The following ZNF385D variants were observed in gnomAD, a reference collection of about 807,000 sequenced individuals.
The protein encoded by ZNF385D is zinc finger protein 659.
ZNF385D carries 15 observed loss-of-function variants against 35.8 expected under a neutral mutation model. That is an observed-to-expected ratio of 0.42 (90% CI 0.28 to 0.64). The LOEUF is 0.64. Among genes scored for constraint, ZNF385D ranks in the 30% least tolerant of loss-of-function variants. The pLI, the probability that ZNF385D is intolerant of heterozygous loss-of-function variation, is 0.23. For synonymous variants in ZNF385D, 212 were observed against 186.8 expected (o/e 1.13, Z -1.10); for missense variants, 474 against 494.6 (o/e 0.96, Z 0.39).
chr3:21,518,997 G>C (rs1313102838), intron 3 of ZNF385D, among the ~76,000 whole-genome samples: 1 of 152,042 alleles, frequency 6.6e-6, no homozygotes, highest in Non-Finnish European at 1.5e-5. Flanking sequence ...TTTTCCCGAA[G>C]TGAAAAACAT....
At chr3:21,560,361 G>A (rs1271112230) in intron 3 of ZNF385D, among the ~76,000 whole-genome samples, 1 of 152,096 alleles carries the variant, frequency 6.6e-6, no homozygotes, top group African/African-American at 2.4e-5. Flanking sequence ...CTTCCTTTTT[G>A]TTGATGTTGA....
At chr3:22,178,984 G>C (rs1299998053) in intron 2 of ZNF385D, among the ~76,000 whole-genome samples, 1 of 152,020 alleles carries the variant, frequency 6.6e-6, no homozygotes, top group Non-Finnish European at 1.5e-5. Flanking sequence ...TTTGGTTACA[G>C]TAGCCTTGTA....
chr3:21,752,844 T>C (rs911336355), upstream of ZNF385D, among the ~76,000 whole-genome samples: 1 of 152,162 alleles, frequency 6.6e-6, no homozygotes. Context: ...TTTGGACAAA[T>C]GGAAATTGTC....
intron 2 of ZNF385D, among the ~76,000 whole-genome samples, chr3:22,214,024 G>A (rs983499791): frequency 5.9e-5 from 9 of 152,034 alleles, no homozygotes; most frequent in Non-Finnish European, 1.2e-4. Flanking sequence ...GTGGGTCACA[G>A]TAACCCTGTC....
At chr3:22,111,215 C>T (rs978362590) in intron 3 of ZNF385D, among the ~76,000 whole-genome samples, 2 of 113,072 alleles carry the variant, frequency 1.8e-5, no homozygotes, top group African/African-American at 6.8e-5. Context: ...TTGTGCTTTC[C>T]AAATTTGGAA....
At chr3:21,822,538 A>G (rs886766991) in intron 3 of ZNF385D, among the ~76,000 whole-genome samples, 1 of 152,220 alleles carries the variant, frequency 6.6e-6, no homozygotes, top group African/African-American at 2.4e-5. Flanking sequence ...TAGAAAATTT[A>G]GACATATGTA....
At chr3:21,640,546 A>G (rs2065574540) in intron 2 of ZNF385D, among the ~76,000 whole-genome samples, 1 of 152,040 alleles carries the variant, frequency 6.6e-6, no homozygotes, top group Non-Finnish European at 1.5e-5. Flanking sequence ...TGACAAGATT[A>G]GTGCCCTTAT....
chr3:22,157,642 T>G (rs187220349), intron 3 of ZNF385D, among the ~76,000 whole-genome samples: 319 of 152,282 alleles, frequency 2.1e-3, no homozygotes, highest in Non-Finnish European at 3.5e-3. Context: ...ATGCATTGAT[T>G]AGTTCACATA....
intron 3 of ZNF385D, among the ~76,000 whole-genome samples, chr3:21,885,839 G>C (rs567839035): frequency 3.3e-5 from 5 of 151,670 alleles, no homozygotes; most frequent in Non-Finnish European, 7.4e-5. Context: ...AAGGCTCTGT[G>C]AGTCTGAAAT....
chr3:21,890,469 A>T (rs367583102), intron 3 of ZNF385D, among the ~76,000 whole-genome samples: 16 of 152,210 alleles, frequency 1.1e-4, no homozygotes, highest in African/African-American at 3.4e-4. Flanking sequence ...AAATACAAAA[A>T]TTAGCTGTGC....
chr3:21,901,475 G>C (rs991524729), intron 3 of ZNF385D, among the ~76,000 whole-genome samples: 2 of 152,150 alleles, frequency 1.3e-5, no homozygotes, highest in Non-Finnish European at 2.9e-5. Flanking sequence ...TGTAATAATA[G>C]TGTGGGAGTA....
At chr3:21,715,004 A>G (rs1299272018) in intron 1 of ZNF385D, among the ~76,000 whole-genome samples, 1 of 152,182 alleles carries the variant, frequency 6.6e-6, no homozygotes, top group Non-Finnish European at 1.5e-5. Flanking sequence ...TCCTGAATAT[A>G]ATACAGGATT....
intron 3 of ZNF385D, among the ~76,000 whole-genome samples, chr3:22,046,410 A>G (rs1021592783): frequency 1.3e-5 from 2 of 152,162 alleles, no homozygotes; most frequent in African/African-American, 4.8e-5. Flanking sequence ...ATGTTTATAT[A>G]AAAAAGACAT....
chr3:22,138,393 A>G (rs1479046002), intron 3 of ZNF385D, among the ~76,000 whole-genome samples: 2 of 152,218 alleles, frequency 1.3e-5, no homozygotes, highest in Non-Finnish European at 2.9e-5. Flanking sequence ...AGCTGGAGGC[A>G]TCACACTACC....
chr3:21,757,517 A>G lies in ZNF385D; in HGVS notation c.326-92489T>C, dbSNP rs1316366309. Reference sequence around the variant, plus strand: ...GAGCTTTTTATTATATTTAATAACCAGCATTGAGAGCCAGAAATCTTAACC... The same window carrying G: ...GAGCTTTTTATTATATTTAATAACCGGCATTGAGAGCCAGAAATCTTAACC... On this transcript the variant is annotated intron_variant, in intron 3 of 5. Coordinates refer to the ZNF385D transcript ENST00000494108. Among the ~76,000 whole-genome samples, 4 of 152,180 alleles carry G rather than the reference A, an allele frequency of 2.6e-5. No homozygotes were observed. In the East Asian group the frequency reaches 5.8e-4, roughly 22 times the overall value.
intron 4 of ZNF385D, among the ~76,000 whole-genome samples, chr3:21,458,620 A>G (rs1027144995): frequency 6.6e-6 from 1 of 152,144 alleles, no homozygotes; most frequent in African/African-American, 2.4e-5. Flanking sequence ...TGGACTAAAA[A>G]GGGACAAAGC....
chr3:21,676,264 A>G (rs899349852), intron 1 of ZNF385D, among the ~76,000 whole-genome samples: 2 of 152,102 alleles, frequency 1.3e-5, no homozygotes, highest in African/African-American at 4.8e-5. Context: ...CAAACTCTAT[A>G]ATACCAAAAA....
At chr3:22,312,375 C>T (rs965118277) in intron 2 of ZNF385D, among the ~76,000 whole-genome samples, 31 of 152,194 alleles carry the variant, frequency 2.0e-4, no homozygotes, top group Admixed American at 1.7e-3. Context: ...TACTCCGAAA[C>T]CCCATAGTCT....
chr3:21,557,971 T>C (rs1321196086), intron 3 of ZNF385D, among the ~76,000 whole-genome samples: 1 of 152,182 alleles, frequency 6.6e-6, no homozygotes, highest in Non-Finnish European at 1.5e-5. Flanking sequence ...TGATGGTAGT[T>C]TGTATTTCTG....
Sources: gnomAD v4.1 joint callset for allele counts (sites outside exome capture counted in the v4.1 genomes callset) on GRCh38, gnomAD v4.1.1 for gene constraint, MANE v1.5 for transcripts, NCBI Gene and HGNC (gene_info 2026-07-23, HGNC 2026-07-21) for gene names.